The following CLPSL1 variants were observed in gnomAD, a reference collection of about 807,000 sequenced individuals.
The protein encoded by CLPSL1 is colipase like 1.
A neutral mutation model predicts 9.3 loss-of-function variants in CLPSL1; 13 were observed. The ratio of observed to expected loss-of-function variants is 1.40; its 90% CI spans 0.91 to 2.22. CLPSL1 has a LOEUF of 2.22. Ranked by LOEUF, CLPSL1 falls within the 30% of genes most tolerant of loss-of-function variation. The probability of loss-of-function intolerance (pLI) is 0.00; values close to 1 mark genes in which losing one functional copy is unlikely to be tolerated. For missense variants in CLPSL1, 164 were observed against 146.6 expected, an observed-to-expected ratio of 1.12 and a Z score of -0.61; for synonymous variants, 58 against 56.9, an observed-to-expected ratio of 1.02 and a Z score of -0.08.
downstream of CLPSL1, chr6:35,793,810 G>A (rs935116256): frequency 2.6e-5 from 9 of 350,540 alleles, no homozygotes; most frequent in African/African-American, 1.7e-4. Flanking sequence ...TCAGTTCACT[G>A]TCCCTCACTC....
chr6:35,781,989 C>A (rs1169487802), intron 1 of CLPSL1, among the ~76,000 whole-genome samples: 2 of 152,050 alleles, frequency 1.3e-5, no homozygotes, highest in African/African-American at 4.8e-5. Context: ...TGACCTCAAG[C>A]AATCCACCCG....
At chr6:35,791,349 G>A (rs1336593196), downstream of CLPSL1, among the ~76,000 whole-genome samples, 7 of 152,226 alleles carry the variant, frequency 4.6e-5, no homozygotes, top group Non-Finnish European at 4.4e-5. Flanking sequence ...GGGGGCTCAC[G>A]CCTGTAATCC....
chr6:35,788,238 G>T, downstream of CLPSL1: 1 of 531,832 alleles, frequency 1.9e-6, no homozygotes, highest in Non-Finnish European at 3.4e-6. Flanking sequence ...TGATATGAGG[G>T]AGGAAGCAGG....
chr6:35,793,330 C>G (rs1336385498), intron 1 of CLPSL1, among the ~76,000 whole-genome samples: 1 of 150,672 alleles, frequency 6.6e-6, no homozygotes, highest in Non-Finnish European at 1.5e-5. Flanking sequence ...GAGGCTGAAG[C>G]AGGAGAATCG....
At position 35,787,096 on chromosome 6, in the gene CLPSL1, C is replaced by T. The variant is rs1362799723; in HGVS notation, c.198C>T (p.Ser66=). Residue 66 remains serine (S), a synonymous_variant, in exon 2 of 3, where the codon TCC becomes TCT. Transcript: ENST00000373861. The stretch of plus-strand genomic sequence containing the variant: ...AGTCGCACTGCGCGGAGAAGGGGTC[C>T]GAGGGCAGTCTGTGTCAAACGCAGG... ...NCESHCAEKG[S]EGSLCQTQVF... 1.9e-6 allele frequency: 3 copies of T among 1,611,332 alleles called. No individual in the cohort carries two copies. Among genetic ancestry groups the T allele is most frequent in the Non-Finnish European group, 2.5e-6 (3 of 1,179,424 alleles).
chr6:35,784,207 A>G (rs1485045739), intron 1 of CLPSL1, among the ~76,000 whole-genome samples: 1 of 152,174 alleles, frequency 6.6e-6, no homozygotes, highest in Non-Finnish European at 1.5e-5. Context: ...GGTCATAGGT[A>G]GATTTAAACA....
At chr6:35,782,097 GAA>G (rs1016304392) in intron 1 of CLPSL1, among the ~76,000 whole-genome samples, 6 of 152,150 alleles carry the variant, frequency 3.9e-5, no homozygotes, top group African/African-American at 1.4e-4. Context: ...AGTTTACTAA[GAA>G]TGTGAAATTT....
At chr6:35,793,868 T>C (rs1240366309), downstream of CLPSL1, among the ~76,000 whole-genome samples, 1 of 152,274 alleles carries the variant, frequency 6.6e-6, no homozygotes, top group Non-Finnish European at 1.5e-5. Context: ...GTCAGTGAGC[T>C]TCCACCTGCG....
At chr6:35,791,092 T>A (rs1768176580), downstream of CLPSL1, among the ~76,000 whole-genome samples, 1 of 151,962 alleles carries the variant, frequency 6.6e-6, no homozygotes, top group Admixed American at 6.5e-5. Context: ...CATTTTCAAA[T>A]GCCTTCTGCT....
At chr6:35,792,695 T>G (rs566786381), downstream of CLPSL1, among the ~76,000 whole-genome samples, 25 of 152,398 alleles carry the variant, frequency 1.6e-4, no homozygotes, top group African/African-American at 5.8e-4. Flanking sequence ...CCCTACTCAC[T>G]TTTGAAGACC....
chr6:35,786,772 A>G (rs1107894), intron 1 of CLPSL1, among the ~76,000 whole-genome samples: 108,815 of 152,174 alleles, frequency 0.72, 39,546 homozygotes, highest in African/African-American at 0.85. Flanking sequence ...TATGTTGAGG[A>G]CACCAAGAGT....
chr6:35,789,711 T>C (rs1354580594), downstream of CLPSL1, among the ~76,000 whole-genome samples: 1 of 152,224 alleles, frequency 6.6e-6, no homozygotes, highest in Non-Finnish European at 1.5e-5. Flanking sequence ...CTGGCCATCA[T>C]GGTGAAACCC....
chr6:35,782,217 GC>G, intron 1 of CLPSL1, among the ~76,000 whole-genome samples: 1 of 152,184 alleles, frequency 6.6e-6, no homozygotes, highest in East Asian at 1.9e-4. Context: ...AGGTCTGGGG[GC>G]GGAAATGTGC....
chr6:35,787,038 C>T lies in CLPSL1; in HGVS notation c.140C>T (p.Thr47Ile), dbSNP rs1032506118. ...ESCIRNQDCE[T>I]GCCQRAPDNC... The stretch of plus-strand genomic sequence containing the variant: ...TGCATCCGGAACCAGGACTGCGAGA[C>T]TGGCTGCTGCCAACGTGCTCCAGAC... The change falls in exon 2 of 3, where the codon ACT becomes ATT. Residue 47 changes from threonine to isoleucine, a missense_variant. Transcript: ENST00000373861. 6.9e-6 allele frequency: 11 copies of T among 1,595,976 alleles called. No individual in the cohort carries two copies. Among genetic ancestry groups the T allele is most frequent in the Non-Finnish European group, 7.7e-6 (9 of 1,173,470 alleles).
At chr6:35,790,517 T>C (rs1459090571), downstream of CLPSL1, among the ~76,000 whole-genome samples, 1 of 152,196 alleles carries the variant, frequency 6.6e-6, no homozygotes, top group Non-Finnish European at 1.5e-5. Flanking sequence ...TGTAGGGAAG[T>C]TCATGGAAGA....
At chr6:35,791,121 T>A (rs1412173285), downstream of CLPSL1, among the ~76,000 whole-genome samples, 5 of 152,298 alleles carry the variant, frequency 3.3e-5, no homozygotes, top group East Asian at 9.6e-4. Context: ...TTTTTATGCT[T>A]CAGTGGCATT....
At chr6:35,792,331 G>T (rs560932463), downstream of CLPSL1, among the ~76,000 whole-genome samples, 1 of 152,258 alleles carries the variant, frequency 6.6e-6, no homozygotes, top group East Asian at 1.9e-4. Context: ...GCTTAGCTTA[G>T]CCTACCTTAA....
chr6:35,793,621 G>A (rs2151064319), exon 2 of CLPSL1: 2 of 467,608 alleles, frequency 4.3e-6, no homozygotes, highest in Middle Eastern at 6.5e-4. Flanking sequence ...AGCACTTCCT[G>A]TGTCTTTGCT....
chr6:35,787,637 C>T (rs1315432545), intron 2 of CLPSL1, among the ~76,000 whole-genome samples: 1 of 152,266 alleles, frequency 6.6e-6, no homozygotes, highest in Non-Finnish European at 1.5e-5. Flanking sequence ...GCAGATGGGT[C>T]AGTGACAGGC....
Sources: allele counts gnomAD v4.1 joint callset (sites outside exome capture counted in the v4.1 genomes callset), GRCh38; gene constraint gnomAD v4.1.1; transcripts MANE v1.5; gene names NCBI Gene and HGNC (gene_info 2026-07-23, HGNC 2026-07-21).